The following CHORDC1 variants were observed in gnomAD, a reference collection of about 807,000 sequenced individuals.
CHORDC1 encodes the protein cysteine and histidine-rich domain-containing protein 1.
In CHORDC1, 25 loss-of-function variants were observed where a neutral mutation model predicts 48.3. That is an observed-to-expected ratio of 0.52 (90% CI 0.38 to 0.72). CHORDC1 has a LOEUF of 0.72. CHORDC1 is among the 30% of genes least tolerant of loss of function. CHORDC1 has a pLI of 0.00. For missense variants in CHORDC1, 317 were observed against 388.7 expected, an observed-to-expected ratio of 0.82 and a Z score of 1.55; for synonymous variants, 128 against 126.4, an observed-to-expected ratio of 1.01 and a Z score of -0.09.
rs1312254427 is a variant in CHORDC1, at chr11:90,200,564, A to T, written c.*1841T>A. ...GAAATATTCGGATTTTTATCTGGAC[A>T]AGAAATTCAAAGGCTCCTTAAGAAG... On this transcript the variant is annotated 3_prime_UTR_variant, in exon 11 of 11. Coordinates refer to ENST00000320585, the MANE Select transcript of CHORDC1 (RefSeq NM_012124.3). Among the ~76,000 whole-genome samples the T allele has an allele frequency of 6.6e-6, 1 of 151,990 alleles. No homozygotes were observed. The highest frequency in any genetic ancestry group is 6.6e-5 in the Admixed American group (1 of 15,250).
At chr11:90,216,605 AAG>A (rs969118780) in intron 2 of CHORDC1, 4 of 413,712 alleles carry the variant, frequency 9.7e-6, no homozygotes, top group South Asian at 1.8e-5. Flanking sequence ...ACAACTGCAA[AAG>A]AGAGAGAAGC....
intron 2 of CHORDC1, among the ~76,000 whole-genome samples, chr11:90,217,497 A>G (rs1327671572): frequency 6.6e-6 from 1 of 152,202 alleles, no homozygotes; most frequent in African/African-American, 2.4e-5. Context: ...ATTGGCACTA[A>G]ATGTTTATAA....
chr11:90,217,254 T>G (rs1189281047), intron 2 of CHORDC1, among the ~76,000 whole-genome samples: 1 of 152,168 alleles, frequency 6.6e-6, no homozygotes, highest in Non-Finnish European at 1.5e-5. Flanking sequence ...ACCAACAATA[T>G]TTAAACATGT....
chr11:90,217,998 G>T, intron 2 of CHORDC1, 137 bp downstream of exon 2: 1 of 530,068 alleles, frequency 1.9e-6, no homozygotes, highest in Non-Finnish European at 3.3e-6. Flanking sequence ...TGGAGTATAC[G>T]CTTAAAGCAC....
In CHORDC1 at chr11:90,217,984, T is replaced by C. The variant is rs886229540; in HGVS notation, c.114+151A>G. 3 of 484,344 alleles carry C rather than the reference T, an allele frequency of 6.2e-6. No individual in the cohort carries two copies. In the South Asian group the frequency reaches 1.4e-4, roughly 23 times the overall value. The allele number at this position is 484,344 out of a possible 1,614,324, so 30.0% of individuals were successfully genotyped here. A position where few individuals can be genotyped will look rare whatever the true frequency, so the allele number is the denominator to read the frequency against. ...ATCATCTACTGTCTTTTCTTTGTCT[T>C]TAGTGGAGTATACGCTTAAAGCACC... On this transcript the variant is annotated intron_variant, in intron 2 of 10. Coordinates refer to ENST00000320585, the MANE Select transcript of CHORDC1 (RefSeq NM_012124.3).
At chr11:90,210,733 T>C (rs796926548) in intron 5 of CHORDC1, 139 bp from the exon 6 acceptor site, 29 of 614,576 alleles carry the variant, frequency 4.7e-5, no homozygotes, top group African/African-American at 4.3e-4. Context: ...TATCCCCAAA[T>C]TGATATATGA....
intron 1 of CHORDC1, chr11:90,222,434 G>A (rs899491533): frequency 1.4e-5 from 5 of 359,950 alleles, no homozygotes; most frequent in Non-Finnish European, 2.2e-5. Context: ...TTACATGCTA[G>A]GACAACCCGC....
intron 1 of CHORDC1, among the ~76,000 whole-genome samples, chr11:90,220,865 C>T (rs1036826822): frequency 2.6e-5 from 4 of 151,982 alleles, no homozygotes; most frequent in African/African-American, 9.7e-5. Context: ...CAGTTTTCCT[C>T]GTATACGTCG....
At position 90,218,174 on chromosome 11, in the gene CHORDC1, T is replaced by A; in HGVS notation, c.75A>T (p.Thr25=). ...GAAAGACCGGAACACCTGGGTGGTA[T>A]GTGCAAGCATCTGGAGAAAACAGAG... The part of the protein sequence containing the change: ...DPETNSDDAC[T]YHPGVPVFHD... The change falls in exon 2 of 11, where the codon ACA becomes ACT. Residue 25 remains threonine, a synonymous_variant. Transcript: ENST00000320585. The A allele has an allele frequency of 6.4e-7, 1 of 1,572,724 alleles. No homozygotes were observed. The highest frequency in any genetic ancestry group is 8.6e-7 in the Non-Finnish European group (1 of 1,166,886).
At chr11:90,222,018 C>A (rs981437579) in intron 1 of CHORDC1, among the ~76,000 whole-genome samples, 1 of 152,200 alleles carries the variant, frequency 6.6e-6, no homozygotes, top group Non-Finnish European at 1.5e-5. Flanking sequence ...TAATGGCTGG[C>A]ATGCAGAAAA....
At chr11:90,205,768 G>A (rs1193213397) in intron 7 of CHORDC1, 1 of 543,102 alleles carries the variant, frequency 1.8e-6, no homozygotes, top group Non-Finnish European at 3.2e-6. Flanking sequence ...ACACAGTGCT[G>A]CATTTCTATA....
At chr11:90,203,134 C>G (rs891264255) in intron 9 of CHORDC1, among the ~76,000 whole-genome samples, 174 bp downstream of exon 9, 1 of 151,956 alleles carries the variant, frequency 6.6e-6, no homozygotes, top group African/African-American at 2.4e-5. Flanking sequence ...GTCTACTATA[C>G]AGAAATTTTC....
At chr11:90,213,959 A>T in intron 4 of CHORDC1, 59 bp downstream of exon 4, 1 of 1,373,804 alleles carries the variant, frequency 7.3e-7, no homozygotes, top group South Asian at 1.4e-5. Context: ...AAAGGAAAGT[A>T]CCATGCACAA....
At chr11:90,210,904 A>G (rs542197879) in intron 5 of CHORDC1, 8 of 328,594 alleles carry the variant, frequency 2.4e-5, no homozygotes, top group African/African-American at 1.3e-4. Context: ...AATAGTGAAT[A>G]TATTTTGTAT....
intron 7 of CHORDC1, chr11:90,205,784 GAGC>G: frequency 1.9e-6 from 1 of 520,378 alleles, no homozygotes; most frequent in East Asian, 3.4e-5. Flanking sequence ...CTATAAACTA[GAGC>G]ATAATACAGA....
chr11:90,217,171 T>C (rs1858033968), intron 2 of CHORDC1, among the ~76,000 whole-genome samples: 1 of 152,228 alleles, frequency 6.6e-6, no homozygotes, highest in African/African-American at 2.4e-5. Context: ...TTGTTAGATT[T>C]GGTGGTGTTA....
chr11:90,215,409 T>A (rs1384123895), intron 2 of CHORDC1, among the ~76,000 whole-genome samples, 179 bp from the exon 3 acceptor site: 1 of 152,078 alleles, frequency 6.6e-6, no homozygotes, highest in Non-Finnish European at 1.5e-5. Context: ...TCTTTGATTT[T>A]TAAAAAGCCA....
At chr11:90,205,598 A>G (rs2135029788) in intron 7 of CHORDC1, 33 bp from the exon 8 acceptor site, 1 of 1,318,618 alleles carries the variant, frequency 7.6e-7, no homozygotes, top group East Asian at 2.3e-5. Flanking sequence ...TTCAGAAATA[A>G]AATCTCACAA....
chr11:90,204,261 C>T (rs10830441), intron 8 of CHORDC1, among the ~76,000 whole-genome samples: 64,845 of 151,806 alleles, frequency 0.43, 14,337 homozygotes, highest in East Asian at 0.59. Flanking sequence ...TACTCCCAAA[C>T]TTAACATAAT....
Sources: allele counts gnomAD v4.1 joint callset (sites outside exome capture counted in the v4.1 genomes callset), GRCh38; gene constraint gnomAD v4.1.1; transcripts MANE v1.5; gene names NCBI Gene and HGNC (gene_info 2026-07-23, HGNC 2026-07-21).